SGO2: variants seen among roughly 807,000 people sequenced by gnomAD.
SGO2 encodes shugoshin-like 2.
In SGO2, 68 loss-of-function variants were observed where a neutral mutation model predicts 99.5. The ratio of observed to expected loss-of-function variants is 0.68; its 90% CI spans 0.56 to 0.84. The LOEUF is 0.84. Ranked by LOEUF, SGO2 falls within the 40% of genes least tolerant of loss-of-function variation. The probability of loss-of-function intolerance (pLI) is 0.00; values close to 1 mark genes in which losing one functional copy is unlikely to be tolerated. For synonymous variants in SGO2, 457 were observed against 487.1 expected, an observed-to-expected ratio of 0.94 and a Z score of 0.81; for missense variants, 1,350 against 1,436.7, an observed-to-expected ratio of 0.94 and a Z score of 0.97.
chr2:200,539,208 A>G (rs1319649664), intron 4 of SGO2, among the ~76,000 whole-genome samples: 4 of 152,054 alleles, frequency 2.6e-5, no homozygotes, highest in African/African-American at 9.7e-5. Flanking sequence ...CCCCTTAGGA[A>G]AATGTCTTTC....
rs115551274 is a variant in SGO2, at chr2:200,532,395, G to A, written c.-2-579G>A. On this transcript the variant is annotated intron_variant, in intron 1 of 8. Coordinates refer to ENST00000357799, the MANE Select transcript of SGO2 (RefSeq NM_152524.6). ...GCTCAACATCAACTGCTGCTTCTCA[G>A]TGAAGCTATTTCTGATCCTTTTCCT... The A allele has an allele frequency of 1.0e-4, 98 of 982,658 alleles. No individual in the cohort carries two copies. The African/African-American group carries it at 1.5e-3, about 15-fold the overall frequency. The allele number at this position is 982,658 out of a possible 1,614,324, so 60.9% of individuals were successfully genotyped here. A position where few individuals can be genotyped will look rare whatever the true frequency, so the allele number is the denominator to read the frequency against.
intron 5 of SGO2, among the ~76,000 whole-genome samples, chr2:200,545,058 G>A (rs1382729249): frequency 6.6e-6 from 1 of 152,164 alleles, no homozygotes; most frequent in African/African-American, 2.4e-5. Flanking sequence ...CCAGCCTGGA[G>A]TGTAGTGGTG....
intron 1 of SGO2, among the ~76,000 whole-genome samples, chr2:200,529,494 A>AGTTTT (rs1304881926): frequency 4.7e-5 from 7 of 147,928 alleles, no homozygotes; most frequent in Non-Finnish European, 9.1e-5. Flanking sequence ...AAGGAGCTAC[A>AGTTTT]GTTTTGTTTC....
At chr2:200,562,297 C>A in intron 5 of SGO2, among the ~76,000 whole-genome samples, 1 of 152,056 alleles carries the variant, frequency 6.6e-6, no homozygotes, top group South Asian at 2.1e-4. Flanking sequence ...TTCCCAGCAC[C>A]ATTTATTAAA....
At chr2:200,583,124 C>T (rs1230602145) in intron 8 of SGO2, among the ~76,000 whole-genome samples, 1 of 152,038 alleles carries the variant, frequency 6.6e-6, no homozygotes, top group Non-Finnish European at 1.5e-5. Flanking sequence ...TGAGCATTTA[C>T]TTTGTTTTTA....
intron 1 of SGO2, among the ~76,000 whole-genome samples, chr2:200,527,063 A>G (rs947325970): frequency 6.6e-6 from 1 of 152,202 alleles, no homozygotes. Flanking sequence ...TGTAATCACT[A>G]TCATAATGTC....
At position 200,584,007 on chromosome 2, in the gene SGO2, A is replaced by G. The variant is rs1177228284; in HGVS notation, c.*543A>G. On this transcript the variant is annotated 3_prime_UTR_variant, in exon 9 of 9. Transcript: ENST00000357799. ...ACTTAGAGGAGGAGATTAACCTTTCAGGCTCTTTTGAATTTGGTTTTTATA... is the reference window on the plus strand; with the variant it reads ...ACTTAGAGGAGGAGATTAACCTTTCGGGCTCTTTTGAATTTGGTTTTTATA... Among the ~76,000 whole-genome samples, 1 of 152,180 alleles carries G rather than the reference A, an allele frequency of 6.6e-6. No individual in the cohort carries two copies. Among genetic ancestry groups the G allele is most frequent in the Non-Finnish European group, 1.5e-5 (1 of 68,042 alleles).
intron 8 of SGO2, 54 bp downstream of exon 8, chr2:200,575,515 A>G (rs1292393588): frequency 2.9e-6 from 4 of 1,383,558 alleles, no homozygotes; most frequent in Non-Finnish European, 3.9e-6. Context: ...CCTTAAAAAA[A>G]TTTCTGCCTG....
At position 200,570,151 on chromosome 2, in the gene SGO2, C is replaced by T. The variant is rs2033343867; in HGVS notation, c.703+259C>T. 2.4e-6 allele frequency: 1 copy of T among 417,110 alleles called. No individual in the cohort carries two copies. Among genetic ancestry groups the T allele is most frequent in the Non-Finnish European group, 4.2e-6 (1 of 237,590 alleles). The allele number at this position is 417,110 out of a possible 1,614,324, so 25.8% of individuals were successfully genotyped here. On this transcript the variant is annotated intron_variant, in intron 6 of 8. Transcript: ENST00000357799. This position sits in a 1 kb window ranked among gnomAD's most constrained non-coding sequence, Gnocchi z 4.4. ...ATAAATGGACCTAATGAGCTTTTCT[C>T]AATATCTTAGCTTATGATTTGAAAG...
At chr2:200,557,996 T>C (rs2032787929) in intron 5 of SGO2, among the ~76,000 whole-genome samples, 1 of 151,886 alleles carries the variant, frequency 6.6e-6, no homozygotes, top group Non-Finnish European at 1.5e-5. Flanking sequence ...CCTGAGTAGC[T>C]GGGACTACAG....
chr2:200,539,170 T>A (rs1422397489), intron 4 of SGO2, among the ~76,000 whole-genome samples: 1 of 152,152 alleles, frequency 6.6e-6, no homozygotes, highest in African/African-American at 2.4e-5. Flanking sequence ...AGCTTTTTGT[T>A]GACTTTATTT....
upstream of SGO2, chr2:200,526,196 C>G (rs1487574801): frequency 6.6e-6 from 1 of 152,442 alleles, no homozygotes; most frequent in African/African-American, 2.4e-5. This position sits in a 1 kb window ranked among gnomAD's most constrained non-coding sequence, Gnocchi z 4.8. Flanking sequence ...AAGCCGCAGC[C>G]GCTGCTGCTC....
At chr2:200,531,146 C>A (rs925937230) in intron 1 of SGO2, among the ~76,000 whole-genome samples, 1 of 151,974 alleles carries the variant, frequency 6.6e-6, no homozygotes, top group Non-Finnish European at 1.5e-5. Flanking sequence ...TGCATGGATC[C>A]GTATCTAGGA....
At chr2:200,540,652 G>A (rs1277370239) in intron 4 of SGO2, among the ~76,000 whole-genome samples, 1 of 152,226 alleles carries the variant, frequency 6.6e-6, no homozygotes, top group African/African-American at 2.4e-5. Context: ...AGGAGAGGGA[G>A]GGGAACTCCT....
intron 5 of SGO2, among the ~76,000 whole-genome samples, chr2:200,544,530 C>T (rs532657196): frequency 6.6e-6 from 1 of 152,176 alleles, no homozygotes; most frequent in Non-Finnish European, 1.5e-5. Flanking sequence ...AATCCTCCCA[C>T]CTCGGCCTCT....
chr2:200,575,390 T>TC lies in SGO2; in HGVS notation c.3712dup (p.Leu1238ProfsTer18). The TC allele has an allele frequency of 6.2e-7, 1 of 1,607,002 alleles. No individual in the cohort carries two copies. Among genetic ancestry groups the TC allele is most frequent in the South Asian group, 1.1e-5 (1 of 90,080 alleles). On this transcript the variant is annotated frameshift_variant, in exon 8 of 9. Coordinates refer to ENST00000357799, the MANE Select transcript of SGO2 (RefSeq NM_152524.6). LOFTEE classifies it high-confidence loss of function. ...CTGAATCTGAAAATAAGTCAGAAGA[T>TC]CTATCTTCAGAACGGACAAGCAGAA...
intron 1 of SGO2, chr2:200,532,428 G>A: frequency 1.0e-6 from 1 of 985,152 alleles, no homozygotes; most frequent in Non-Finnish European, 1.2e-6. Context: ...CCTCTGCCCA[G>A]TCACAGTTAA....
At chr2:200,574,573 G>T (rs559848274) in intron 7 of SGO2, among the ~76,000 whole-genome samples, 1 of 151,958 alleles carries the variant, frequency 6.6e-6, no homozygotes, top group Non-Finnish European at 1.5e-5. Flanking sequence ...ATCTTCAAAC[G>T]CATCCTTAAA....
At chr2:200,541,198 G>C in intron 4 of SGO2, among the ~76,000 whole-genome samples, 1 of 152,194 alleles carries the variant, frequency 6.6e-6, no homozygotes, top group Non-Finnish European at 1.5e-5. Flanking sequence ...TTCAACATGA[G>C]TTTTGGAGGA....
Sources: gnomAD v4.1 joint callset for allele counts (sites outside exome capture counted in the v4.1 genomes callset) on GRCh38, gnomAD v4.1.1 for gene constraint, Gnocchi (gnomAD v3.1) non-coding constraint, MANE v1.5 for transcripts, NCBI Gene and HGNC (gene_info 2026-07-23, HGNC 2026-07-21) for gene names.